The following EYS variants were observed in gnomAD, a reference collection of about 807,000 sequenced individuals.
EYS encodes EGF-like photoreceptor maintenance factor, also known as protein eyes shut homolog.
EYS carries 250 observed loss-of-function variants against 282.1 expected under a neutral mutation model. That is an observed-to-expected ratio of 0.89 (90% CI 0.80 to 0.98). The LOEUF is 0.98. EYS is among the 50% of genes least tolerant of loss of function. The pLI, the probability that EYS is intolerant of heterozygous loss-of-function variation, is 0.00. For missense variants in EYS, 4,016 were observed against 3,709.0 expected, an observed-to-expected ratio of 1.08 and a Z score of -2.15; for synonymous variants, 1,355 against 1,282.9, an observed-to-expected ratio of 1.06 and a Z score of -1.20.
chr6:65,659,506 CTT>C (rs1362508809), intron 1 of EYS, among the ~76,000 whole-genome samples: 1 of 151,706 alleles, frequency 6.6e-6, no homozygotes, highest in Non-Finnish European at 1.5e-5. Flanking sequence ...ATTCGTAAAA[CTT>C]ATCCTGCCAT....
intron 41 of EYS, among the ~76,000 whole-genome samples, chr6:63,734,694 ATGT>A (rs1768866414): frequency 6.6e-6 from 1 of 152,130 alleles, no homozygotes; most frequent in South Asian, 2.1e-4. Flanking sequence ...TAGAAGGATA[ATGT>A]TGTCATTAAC....
chr6:65,139,910 A>G (rs141986660), intron 12 of EYS, among the ~76,000 whole-genome samples: 307 of 152,170 alleles, frequency 2.0e-3, no homozygotes, highest in African/African-American at 6.7e-3. Flanking sequence ...CACTTCCCCC[A>G]CCAGCAGTGT....
chr6:65,008,479 C>A (rs552498445), intron 13 of EYS, among the ~76,000 whole-genome samples: 1 of 152,100 alleles, frequency 6.6e-6, no homozygotes, highest in African/African-American at 2.4e-5. Context: ...AAAAGGCTAC[C>A]GCTTTAGTCA....
intron 2 of EYS, among the ~76,000 whole-genome samples, chr6:65,596,209 G>A (rs932305307): frequency 2.0e-5 from 3 of 152,068 alleles, no homozygotes; most frequent in African/African-American, 7.2e-5. Context: ...TGGATAAGCT[G>A]ATTCACTTCG....
At chr6:64,065,865 T>C (rs575177555) in intron 33 of EYS, among the ~76,000 whole-genome samples, 71 of 152,234 alleles carry the variant, frequency 4.7e-4, no homozygotes, top group African/African-American at 1.6e-3. Flanking sequence ...TAAAAATAAG[T>C]AAAACAAAAG....
chr6:64,678,998 C>A (rs988531185), intron 22 of EYS, among the ~76,000 whole-genome samples: 4 of 148,310 alleles, frequency 2.7e-5, no homozygotes, highest in Admixed American at 6.7e-5. Flanking sequence ...AAAAAAAAAA[C>A]ACTTTGATTT....
At chr6:65,680,758 G>T (rs1050036703) in intron 1 of EYS, among the ~76,000 whole-genome samples, 5 of 151,950 alleles carry the variant, frequency 3.3e-5, no homozygotes, top group African/African-American at 1.2e-4. Context: ...GAGATGTGGG[G>T]ATTCCTCACC....
chr6:65,332,277 T>C, intron 11 of EYS: 1 of 694,230 alleles, frequency 1.4e-6, no homozygotes, highest in African/African-American at 1.8e-5. Context: ...ATTTATTCTA[T>C]TGATACATTA....
intron 31 of EYS, among the ~76,000 whole-genome samples, chr6:64,194,711 G>T (rs1011464594): frequency 6.6e-6 from 1 of 152,032 alleles, no homozygotes; most frequent in Non-Finnish European, 1.5e-5. Context: ...ATATTCTATG[G>T]TGGTTGGGGT....
At chr6:63,829,129 G>A (rs984245171) in intron 36 of EYS, among the ~76,000 whole-genome samples, 21 of 152,262 alleles carry the variant, frequency 1.4e-4, no homozygotes, top group African/African-American at 4.6e-4. Flanking sequence ...TGGCCAAATA[G>A]GAACAGCTCC....
chr6:64,063,746 T>G (rs751101586), intron 33 of EYS, among the ~76,000 whole-genome samples: 1 of 152,110 alleles, frequency 6.6e-6, no homozygotes, highest in Admixed American at 6.6e-5. Context: ...GATAGATTGA[T>G]TGATTGAGTC....
chr6:65,113,667 A>G (rs536862168), intron 12 of EYS, among the ~76,000 whole-genome samples: 2 of 151,840 alleles, frequency 1.3e-5, no homozygotes, highest in East Asian at 1.9e-4. Context: ...TCGAATTCTT[A>G]TATTGTTGAA....
chr6:65,475,577 A>G (rs1765370418), intron 5 of EYS, among the ~76,000 whole-genome samples: 1 of 152,238 alleles, frequency 6.6e-6, no homozygotes, highest in South Asian at 2.1e-4. Context: ...AAAATTCTGA[A>G]AAGTATAAGA....
chr6:64,822,646 G>A lies in EYS; in HGVS notation c.3164+5C>T. 1 of 1,518,684 alleles carries A rather than the reference G, an allele frequency of 6.6e-7. No individual in the cohort carries two copies. The highest frequency in any genetic ancestry group is 2.5e-5 in the East Asian group (1 of 39,980). 94.1% of individuals were successfully genotyped at this position (1,518,684 alleles called of 1,614,324 possible). On this transcript the variant is annotated splice_donor_5th_base_variant and intron_variant, in intron 20 of 42. Transcript: ENST00000503581. The stretch of plus-strand genomic sequence containing the variant: ...CATAAAGCTAATAATAAAAAAAATA[G>A]CTACCTTCCATGTAGACAAGGATTT...
At chr6:63,749,760 A>G (rs914084727) in intron 41 of EYS, among the ~76,000 whole-genome samples, 1 of 152,140 alleles carries the variant, frequency 6.6e-6, no homozygotes, top group Non-Finnish European at 1.5e-5. Flanking sequence ...CCCCAGAGTC[A>G]CTGGGGGTCA....
chr6:65,486,426 A>G (rs1765785169), intron 5 of EYS, among the ~76,000 whole-genome samples: 1 of 152,218 alleles, frequency 6.6e-6, no homozygotes, highest in Non-Finnish European at 1.5e-5. Flanking sequence ...CTCTAGCTGC[A>G]TCTTGCTCAA....
At chr6:64,403,629 T>C (rs1295729682) in intron 28 of EYS, among the ~76,000 whole-genome samples, 1 of 152,190 alleles carries the variant, frequency 6.6e-6, no homozygotes, top group Admixed American at 6.5e-5. Flanking sequence ...AGTGCTGGGA[T>C]TACAGGCGTG....
intron 15 of EYS, among the ~76,000 whole-genome samples, chr6:64,926,357 C>A (rs1256730183): frequency 6.6e-6 from 1 of 152,198 alleles, no homozygotes; most frequent in Non-Finnish European, 1.5e-5. Flanking sequence ...CCACATAGCT[C>A]CCTATGAGCT....
At chr6:64,034,213 C>A (rs900543265) in intron 33 of EYS, among the ~76,000 whole-genome samples, 1 of 152,000 alleles carries the variant, frequency 6.6e-6, no homozygotes, top group Non-Finnish European at 1.5e-5. Flanking sequence ...TTGAGGGGAG[C>A]AATAAAAAGT....
Sources: gnomAD v4.1 joint callset for allele counts (sites outside exome capture counted in the v4.1 genomes callset) on GRCh38, gnomAD v4.1.1 for gene constraint, MANE v1.5 for transcripts, NCBI Gene and HGNC (gene_info 2026-07-23, HGNC 2026-07-21) for gene names.